The following TSGA10 variants were observed in gnomAD, a reference collection of about 807,000 sequenced individuals.
The protein encoded by TSGA10 is testis specific 10.
TSGA10 carries 43 observed loss-of-function variants against 96.6 expected under a neutral mutation model. That is an observed-to-expected ratio of 0.44 (90% CI 0.35 to 0.57). TSGA10 has a LOEUF of 0.57. Ranked by LOEUF, TSGA10 falls within the 20% of genes least tolerant of loss-of-function variation. The pLI is 0.01. For missense variants in TSGA10, 703 were observed against 834.4 expected (o/e 0.84, Z 1.94); for synonymous variants, 229 against 269.9 (o/e 0.85, Z 1.48).
At chr2:99,052,565 C>T (rs1302565844) in intron 16 of TSGA10, among the ~76,000 whole-genome samples, 1 of 151,660 alleles carries the variant, frequency 6.6e-6, no homozygotes, top group African/African-American at 2.4e-5. Context: ...GGTGAAACCC[C>T]GTCTCTACTA....
At chr2:99,098,134 T>A (rs577762525) in intron 10 of TSGA10, among the ~76,000 whole-genome samples, 6 of 152,032 alleles carry the variant, frequency 3.9e-5, no homozygotes, top group African/African-American at 1.2e-4. Context: ...GCTTTACATG[T>A]TTCTATTAGA....
intron 10 of TSGA10, among the ~76,000 whole-genome samples, chr2:99,099,418 G>A (rs1412142967): frequency 6.6e-6 from 1 of 152,150 alleles, no homozygotes; most frequent in African/African-American, 2.4e-5. Flanking sequence ...AGTTAACATA[G>A]ACCAACAATA....
At chr2:99,008,775 C>T (rs2078725523) in intron 20 of TSGA10, among the ~76,000 whole-genome samples, 2 of 152,010 alleles carry the variant, frequency 1.3e-5, no homozygotes, top group Non-Finnish European at 2.9e-5. Flanking sequence ...ACCTAAATGT[C>T]CAAGTTTAGG....
In TSGA10 at chr2:98,998,187, A is replaced by T; in HGVS notation, c.*10T>A. The T allele has an allele frequency of 6.3e-7, 1 of 1,599,726 alleles. No homozygotes were observed. Among genetic ancestry groups the T allele is most frequent in the Non-Finnish European group, 8.5e-7 (1 of 1,175,226 alleles). On this transcript the variant is annotated 3_prime_UTR_variant, in exon 21 of 21. Coordinates refer to ENST00000393483, the MANE Select transcript of TSGA10 (RefSeq NM_025244.4). ...ACCTTTCTCAGGGATGTGAAGAATC[A>T]TTTCAGGTGTCAGAAATCTCTGTAG...
chr2:99,113,486 T>A (rs2091985504), intron 4 of TSGA10, among the ~76,000 whole-genome samples: 2 of 152,118 alleles, frequency 1.3e-5, no homozygotes. Flanking sequence ...GCCATCTGAG[T>A]GAGCCATCTT....
At chr2:99,029,391 A>G (rs932810289) in intron 17 of TSGA10, among the ~76,000 whole-genome samples, 3 of 152,170 alleles carry the variant, frequency 2.0e-5, no homozygotes, top group African/African-American at 7.2e-5. Context: ...TGTGAATTAT[A>G]TATCAACAAA....
intron 13 of TSGA10, among the ~76,000 whole-genome samples, chr2:99,072,190 C>A (rs1255059238): frequency 1.3e-5 from 2 of 152,182 alleles, no homozygotes; most frequent in Non-Finnish European, 2.9e-5. Flanking sequence ...ACAGATTCCT[C>A]TTCCTCTGCC....
At chr2:99,105,794 C>G in intron 7 of TSGA10, 97 bp from the exon 8 acceptor site, 3 of 860,648 alleles carry the variant, frequency 3.5e-6, no homozygotes, top group Non-Finnish European at 5.2e-6. Flanking sequence ...AAACCTACAT[C>G]AACATGCATG....
chr2:99,146,653 G>C (rs140139281), intron 1 of TSGA10, among the ~76,000 whole-genome samples: 1,631 of 152,134 alleles, frequency 0.011, 10 homozygotes, highest in Middle Eastern at 0.027. Context: ...TTTTGAGACG[G>C]AGTCTTGCTC....
At chr2:99,016,702 C>A (rs2079540656) in intron 20 of TSGA10, among the ~76,000 whole-genome samples, 1 of 152,112 alleles carries the variant, frequency 6.6e-6, no homozygotes, top group Admixed American at 6.6e-5. Context: ...GCAGAGTAAA[C>A]AGACAACCCA....
chr2:99,002,357 A>T (rs899503918), intron 20 of TSGA10, among the ~76,000 whole-genome samples: 2 of 152,358 alleles, frequency 1.3e-5, no homozygotes, highest in South Asian at 4.1e-4. Flanking sequence ...AAGAATTTTC[A>T]ACCCAGAATT....
intron 1 of TSGA10, among the ~76,000 whole-genome samples, chr2:99,153,386 G>A (rs2093712266): frequency 6.6e-6 from 1 of 152,178 alleles, no homozygotes; most frequent in Non-Finnish European, 1.5e-5. Flanking sequence ...GATGACAAGT[G>A]GAAAGAGAAA....
At chr2:99,150,971 C>G in intron 1 of TSGA10, 1 of 552,094 alleles carries the variant, frequency 1.8e-6, no homozygotes, top group Non-Finnish European at 3.2e-6. Flanking sequence ...ATTTGTGAAT[C>G]ATCTTACACT....
Position 99,018,521 on chromosome 2 carries a change from T to A in TSGA10, c.1922+15A>T, listed in dbSNP as rs1239219888. ...GAAAAGCATTGTTTTTGAGCTTGCATAGAGATAAACTTACCTTTCAAAGCG... is the reference window on the plus strand; with the variant it reads ...GAAAAGCATTGTTTTTGAGCTTGCAAAGAGATAAACTTACCTTTCAAAGCG... On this transcript the variant is annotated intron_variant, in intron 19 of 20. Transcript: ENST00000393483. 13 of 1,609,576 alleles carry A rather than the reference T, an allele frequency of 8.1e-6. No homozygotes were observed. The highest frequency in any genetic ancestry group is 2.7e-5 in the African/African-American group (2 of 74,834).
intron 10 of TSGA10, among the ~76,000 whole-genome samples, chr2:99,095,171 C>G (rs1057445366): frequency 1.3e-5 from 2 of 152,168 alleles, no homozygotes; most frequent in African/African-American, 4.8e-5. Context: ...ATCTTATGTT[C>G]TCACTCATAA....
chr2:99,152,190 CAGG>C (rs996342213), intron 1 of TSGA10, among the ~76,000 whole-genome samples: 2 of 152,152 alleles, frequency 1.3e-5, no homozygotes, highest in Non-Finnish European at 2.9e-5. Flanking sequence ...CTAGGAAAGA[CAGG>C]AGATTATACA....
chr2:99,075,044 A>T (rs1305671675), intron 12 of TSGA10, among the ~76,000 whole-genome samples: 2 of 151,180 alleles, frequency 1.3e-5, no homozygotes, highest in Non-Finnish European at 3.0e-5. Context: ...AGTGCATCTT[A>T]AAAAAAAATA....
intron 1 of TSGA10, among the ~76,000 whole-genome samples, chr2:99,145,566 A>AAC (rs2093623185): frequency 6.6e-6 from 1 of 151,200 alleles, no homozygotes; most frequent in African/African-American, 2.4e-5. Flanking sequence ...CCAAAAAGAA[A>AAC]AAAAAAAAAG....
intron 1 of TSGA10, among the ~76,000 whole-genome samples, chr2:99,145,049 G>C (rs1371934825): frequency 6.6e-6 from 1 of 152,096 alleles, no homozygotes; most frequent in Non-Finnish European, 1.5e-5. Flanking sequence ...AGTTCAAATT[G>C]GGTCTCACTG....
Sources: gnomAD v4.1 joint callset for allele counts (sites outside exome capture counted in the v4.1 genomes callset) on GRCh38, gnomAD v4.1.1 for gene constraint, MANE v1.5 for transcripts, NCBI Gene and HGNC (gene_info 2026-07-23, HGNC 2026-07-21) for gene names.